CCDC141: variants seen among roughly 807,000 people sequenced by gnomAD.
CCDC141 encodes coiled-coil domain containing 141.
Under a neutral mutation model 181.0 loss-of-function variants are expected in CCDC141, and 168 were observed. That is an observed-to-expected ratio of 0.93 (90% confidence interval 0.82 to 1.05). The LOEUF (loss-of-function observed/expected upper bound fraction) is 1.05. CCDC141 is among the 50% of genes least tolerant of loss of function. The probability of loss-of-function intolerance (pLI) is 0.00; values close to 1 mark genes in which losing one functional copy is unlikely to be tolerated. For synonymous variants in CCDC141, 666 were observed against 642.3 expected, an observed-to-expected ratio of 1.04 and a Z score of -0.56; for missense variants, 1,902 against 1,788.5, an observed-to-expected ratio of 1.06 and a Z score of -1.14.
At chr2:178,976,363 T>A (rs1468115674) in intron 3 of CCDC141, among the ~76,000 whole-genome samples, 2 of 152,218 alleles carry the variant, frequency 1.3e-5, no homozygotes, top group Non-Finnish European at 2.9e-5. Flanking sequence ...ATTTGGGGAT[T>A]CTTAATATTT....
intron 6 of CCDC141, among the ~76,000 whole-genome samples, chr2:178,939,225 G>A (rs1252060331): frequency 6.6e-6 from 1 of 152,130 alleles, no homozygotes; most frequent in African/African-American, 2.4e-5. Context: ...TCCCCATACT[G>A]AAATTCTCAA....
intron 2 of CCDC141, among the ~76,000 whole-genome samples, chr2:178,997,978 G>A (rs1422623735): frequency 2.0e-5 from 3 of 151,938 alleles, no homozygotes; most frequent in African/African-American, 7.3e-5. Flanking sequence ...TCTTCCCCAT[G>A]GATGATCATC....
intron 7 of CCDC141, among the ~76,000 whole-genome samples, chr2:178,911,585 T>C (rs192616749): frequency 6.4e-3 from 971 of 152,334 alleles, no homozygotes; most frequent in Non-Finnish European, 0.011. Context: ...TATCACCAAC[T>C]ATAAGAACTT....
At chr2:178,935,154 C>T (rs995946230) in intron 6 of CCDC141, among the ~76,000 whole-genome samples, 4 of 151,906 alleles carry the variant, frequency 2.6e-5, no homozygotes, top group Non-Finnish European at 4.4e-5. Flanking sequence ...TTCAGGGATA[C>T]AGTGAAGGTT....
chr2:178,831,105 A>G lies in CCDC141; in HGVS notation c.*3068T>C, dbSNP rs560461257. 1 of 152,278 alleles carries G rather than the reference A, an allele frequency of 6.6e-6. No homozygotes were observed. Among genetic ancestry groups the G allele is most frequent in the East Asian group, 1.9e-4 (1 of 5,186 alleles). 9.4% of individuals were successfully genotyped at this position (152,278 alleles called of 1,614,324 possible). A position where few individuals can be genotyped will look rare whatever the true frequency, so the allele number is the denominator to read the frequency against. The stretch of plus-strand genomic sequence containing the variant: ...TGATAGAGGTTACCATTATTGATTA[A>G]TATAGCTAAAAAATTTTCTGCATCT... On this transcript the variant is annotated 3_prime_UTR_variant, in exon 24 of 24. Transcript: ENST00000443758.
At chr2:178,984,394 G>A (rs1469464994) in intron 2 of CCDC141, among the ~76,000 whole-genome samples, 1 of 151,710 alleles carries the variant, frequency 6.6e-6, no homozygotes, top group Non-Finnish European at 1.5e-5. Flanking sequence ...AGACTAGGAA[G>A]AAACTGCATC....
intron 19 of CCDC141, 75 bp from the exon 20 acceptor site, chr2:178,853,699 T>A: frequency 7.9e-7 from 1 of 1,267,386 alleles, no homozygotes; most frequent in Non-Finnish European, 1.1e-6. Context: ...ACCAGTGAAG[T>A]ATCAAATTTT....
chr2:178,878,036 C>T lies in CCDC141; in HGVS notation c.1827G>A (p.Gln609=), dbSNP rs1435382843. The change falls in exon 12 of 24, where the codon CAG becomes CAA. Residue 609 remains glutamine (Q), a synonymous_variant. Transcript: ENST00000443758. ...AACTCTTCTTTAAAAATAGCTGCCA[C>T]TGCTTCTCAGCCGAGTCAGAACAAT... ...AKHCSDSAEK[Q]WQLFLKKSFI... is the part of the protein sequence containing the mutation. The T allele has an allele frequency of 6.2e-7, 1 of 1,613,952 alleles. No individual in the cohort carries two copies. Among genetic ancestry groups the T allele is most frequent in the Non-Finnish European group, 8.5e-7 (1 of 1,179,886 alleles).
intron 2 of CCDC141, among the ~76,000 whole-genome samples, chr2:179,015,925 AT>A: frequency 8.4e-6 from 1 of 118,870 alleles, no homozygotes; most frequent in South Asian, 2.5e-4. Context: ...CATATATATC[AT>A]ATAATTTCAT....
At chr2:178,884,168 A>C (rs1686759891) in intron 11 of CCDC141, among the ~76,000 whole-genome samples, 2 of 152,018 alleles carry the variant, frequency 1.3e-5, no homozygotes, top group East Asian at 1.9e-4. Context: ...ATCCACATGC[A>C]CAAATTTGTA....
At chr2:178,997,071 A>G (rs1692320896) in intron 2 of CCDC141, among the ~76,000 whole-genome samples, 1 of 152,212 alleles carries the variant, frequency 6.6e-6, no homozygotes, top group East Asian at 1.9e-4. Flanking sequence ...GTGACCAGTT[A>G]AAGTGTGCCT....
At chr2:178,902,431 G>C (rs1014130468) in intron 8 of CCDC141, among the ~76,000 whole-genome samples, 2 of 152,142 alleles carry the variant, frequency 1.3e-5, no homozygotes, top group African/African-American at 2.4e-5. Flanking sequence ...GAACAGAACA[G>C]AGCCCTCAGA....
intron 17 of CCDC141, 52 bp from the exon 18 acceptor site, chr2:178,856,449 G>C (rs369055052): frequency 1.5e-6 from 2 of 1,349,286 alleles, no homozygotes; most frequent in African/African-American, 2.9e-5. Flanking sequence ...AGAAAACAAA[G>C]TCACTTGCAA....
chr2:179,032,032 A>G (rs904710453), intron 2 of CCDC141, among the ~76,000 whole-genome samples: 1 of 152,158 alleles, frequency 6.6e-6, no homozygotes, highest in Non-Finnish European at 1.5e-5. Context: ...TATGAGTTAT[A>G]GAGCTGAAAG....
chr2:178,819,914 A>G, the CCDC141 span, among the ~76,000 whole-genome samples: 1 of 152,196 alleles, frequency 6.6e-6, no homozygotes, highest in Non-Finnish European at 1.5e-5. Flanking sequence ...TTTTTTATAT[A>G]GAACATTTTC....
chr2:178,882,508 T>C (rs1311186949), intron 11 of CCDC141, among the ~76,000 whole-genome samples: 1 of 152,200 alleles, frequency 6.6e-6, no homozygotes, highest in Non-Finnish European at 1.5e-5. Context: ...AGACTTTAGT[T>C]TATTGGAACC....
intron 2 of CCDC141, among the ~76,000 whole-genome samples, chr2:179,039,213 A>T (rs1343632077): frequency 7.2e-6 from 1 of 138,952 alleles, no homozygotes; most frequent in Non-Finnish European, 1.6e-5. Context: ...GATTAAGTAC[A>T]TTGCAGAAGG....
chr2:178,869,408 T>A, intron 14 of CCDC141, 103 bp from the exon 15 acceptor site: 1 of 793,508 alleles, frequency 1.3e-6, no homozygotes, highest in Non-Finnish European at 1.9e-6. Flanking sequence ...TTTCATTTGT[T>A]AACAAATACT....
rs149400148 is a variant in CCDC141 at position 178,836,882 on chromosome 2, T to C, written c.4325+12A>G. 3.3e-5 allele frequency: 53 copies of C among 1,587,746 alleles called. No homozygotes were observed. Among genetic ancestry groups the C allele is most frequent in the Non-Finnish European group, 4.3e-5 (51 of 1,173,008 alleles). On this transcript the variant is annotated intron_variant, in intron 23 of 23. Transcript: ENST00000443758. The stretch of plus-strand genomic sequence containing the variant: ...TGTTTCCATTTATGGCTTGTCATTA[T>C]AGGCTACCCACCATGTCAGTGTAGG...
Sources: allele counts gnomAD v4.1 joint callset (sites outside exome capture counted in the v4.1 genomes callset), GRCh38; gene constraint gnomAD v4.1.1; transcripts MANE v1.5; gene names NCBI Gene and HGNC (gene_info 2026-07-23, HGNC 2026-07-21).